The following GALC variants were observed in gnomAD, a reference collection of about 807,000 sequenced individuals.
GALC encodes galactocerebrosidase.
A neutral mutation model predicts 91.8 loss-of-function variants in GALC; 77 were observed. That is an observed-to-expected ratio of 0.84 (90% confidence interval 0.70 to 1.01). The LOEUF is 1.01. Among genes scored for constraint, GALC ranks in the 50% least tolerant of loss-of-function variants. The probability of loss-of-function intolerance (pLI) is 0.00; values close to 1 mark genes in which losing one functional copy is unlikely to be tolerated. For synonymous variants in GALC, 357 were observed against 306.7 expected (o/e 1.16, Z -1.71); for missense variants, 882 against 855.9 (o/e 1.03, Z -0.38).
At chr14:87,954,286 T>TA (rs1885427828) in intron 10 of GALC, 3 of 1,554,784 alleles carry the variant, frequency 1.9e-6, no homozygotes, top group Non-Finnish European at 2.7e-6. Flanking sequence ...CACACAATAC[T>TA]AAGAGTTGTT....
Position 87,934,428 on chromosome 14 carries a change from T to C in GALC, c.*304A>G, listed in dbSNP as rs1303288652. ...TAAGATGAAGAGAGCTACCTCAGTG[T>C]TAGCAGCAAGGCTTCGAGGTCTGTA... is the stretch of plus-strand genomic sequence containing the variant. On this transcript the variant is annotated 3_prime_UTR_variant, in exon 17 of 17. Coordinates refer to ENST00000261304, the MANE Select transcript of GALC (RefSeq NM_000153.4). The C allele has an allele frequency of 1.5e-6, 2 of 1,301,278 alleles. No homozygotes were observed. Among genetic ancestry groups the C allele is most frequent in the Non-Finnish European group, 2.0e-6 (2 of 1,018,612 alleles). The allele number at this position is 1,301,278 out of a possible 1,614,324, so 80.6% of individuals were successfully genotyped here. A position where few individuals can be genotyped will look rare whatever the true frequency, so the allele number is the denominator to read the frequency against.
intron 2 of GALC, 101 bp from the exon 3 acceptor site, chr14:87,988,308 G>T: frequency 7.6e-7 from 1 of 1,317,384 alleles, no homozygotes; most frequent in South Asian, 1.2e-5. Context: ...AAAAACAAAA[G>T]CAAAACTTCA....
intron 10 of GALC, among the ~76,000 whole-genome samples, chr14:87,961,419 AAG>A: frequency 6.6e-6 from 1 of 152,240 alleles, no homozygotes; most frequent in East Asian, 1.9e-4. Flanking sequence ...CAAAATCCTA[AAG>A]ACAGAGTTAC....
intron 10 of GALC, chr14:87,955,179 G>A: frequency 1.6e-6 from 2 of 1,276,438 alleles, no homozygotes; most frequent in South Asian, 1.2e-5. Flanking sequence ...ACACTGTAAA[G>A]CATGGAGCCG....
chr14:87,954,163 C>T, intron 10 of GALC: 1 of 1,597,350 alleles, frequency 6.3e-7, no homozygotes, highest in African/African-American at 1.3e-5. Flanking sequence ...GACCTACTGG[C>T]ACAGGTGTCC....
intron 10 of GALC, chr14:87,952,505 T>C: frequency 3.0e-6 from 2 of 661,104 alleles, no homozygotes; most frequent in South Asian, 3.2e-5. Flanking sequence ...AATATCCTGT[T>C]GAGAACCACC....
intron 7 of GALC, among the ~76,000 whole-genome samples, chr14:87,969,535 A>G (rs1037965745): frequency 4.6e-5 from 7 of 152,202 alleles, no homozygotes; most frequent in African/African-American, 1.7e-4. Flanking sequence ...TGACAATCCA[A>G]TAAGAGAGCA....
rs192700286 is a variant in GALC, at chr14:87,986,734, G to A, written c.329-132C>T. On this transcript the variant is annotated intron_variant, in intron 3 of 16. Transcript: ENST00000261304. ...TTCCAGTTCTAATCCTGAAGTTGGGGAAATCATAATCTTACACAACTAAAG... is the reference window on the plus strand; with the variant it reads ...TTCCAGTTCTAATCCTGAAGTTGGGAAAATCATAATCTTACACAACTAAAG... 2.9e-4 allele frequency: 204 copies of A among 697,054 alleles called. 1 individual carries two copies. Among genetic ancestry groups the A allele is most frequent in the Admixed American group, 1.5e-3 (75 of 49,430 alleles). The allele number at this position is 697,054 out of a possible 1,614,324, so 43.2% of individuals were successfully genotyped here.
intron 7 of GALC, among the ~76,000 whole-genome samples, chr14:87,973,726 C>T (rs1452886347): frequency 6.6e-6 from 1 of 152,166 alleles, no homozygotes; most frequent in Non-Finnish European, 1.5e-5. Context: ...AACCTCAGCA[C>T]TATTAACATT....
At chr14:87,974,446 T>G (rs1886413217) in intron 7 of GALC, among the ~76,000 whole-genome samples, 1 of 152,054 alleles carries the variant, frequency 6.6e-6, no homozygotes, top group East Asian at 1.9e-4. Context: ...GCTTCCAGTA[T>G]TTACGTACCA....
intron 10 of GALC, among the ~76,000 whole-genome samples, chr14:87,960,056 TA>T (rs1229404519): frequency 6.6e-6 from 1 of 150,990 alleles, no homozygotes; most frequent in Non-Finnish European, 1.5e-5. Context: ...TGATCACACT[TA>T]CATGTAGAAT....
At chr14:87,936,919 T>TATATATATATATATATATATATATAA (rs1884599839) in intron 16 of GALC, among the ~76,000 whole-genome samples, 1 of 142,054 alleles carries the variant, frequency 7.0e-6, no homozygotes, top group Non-Finnish European at 1.5e-5. Flanking sequence ...TATATTTATT[T>TATATATATATATATATATATATATAA]ATTTTCTCAT....
chr14:87,939,868 A>G, intron 16 of GALC, 37 bp downstream of exon 16: 2 of 1,315,694 alleles, frequency 1.5e-6, no homozygotes, highest in East Asian at 2.3e-5. Flanking sequence ...ACAACAAAAG[A>G]GCATTTTACC....
chr14:87,958,299 T>C (rs1471685915), intron 10 of GALC, among the ~76,000 whole-genome samples: 1 of 149,634 alleles, frequency 6.7e-6, no homozygotes, highest in African/African-American at 2.4e-5. Context: ...ATTCGGTTAG[T>C]TTAAATCTGA....
At chr14:87,977,041 G>A (rs919776819) in intron 6 of GALC, among the ~76,000 whole-genome samples, 3 of 141,022 alleles carry the variant, frequency 2.1e-5, no homozygotes, top group Non-Finnish European at 3.0e-5. Flanking sequence ...ATGGGGGGGG[G>A]GGGATGAAAC....
At chr14:87,971,489 G>C (rs968050841) in intron 7 of GALC, among the ~76,000 whole-genome samples, 6 of 152,062 alleles carry the variant, frequency 3.9e-5, no homozygotes, top group Non-Finnish European at 7.4e-5. Flanking sequence ...ATTTTAAGTT[G>C]TCTAGCAGCC....
chr14:87,959,052 A>G (rs1885685471), intron 10 of GALC, among the ~76,000 whole-genome samples: 1 of 152,166 alleles, frequency 6.6e-6, no homozygotes. Context: ...AGCCTACAAA[A>G]TGGGAGGAAA....
upstream of GALC, chr14:87,993,211 CCGCCA>C: frequency 6.4e-7 from 1 of 1,551,514 alleles, no homozygotes; most frequent in East Asian, 2.4e-5. Flanking sequence ...GGTCCCGTCG[CCGCCA>C]CGATAGATAC....
chr14:87,933,825 G>C lies in GALC; in HGVS notation c.*907C>G. The C allele has an allele frequency of 1.7e-6, 1 of 601,608 alleles. No individual in the cohort carries two copies. The allele number at this position is 601,608 out of a possible 1,614,324, so 37.3% of individuals were successfully genotyped here. A position where few individuals can be genotyped will look rare whatever the true frequency, so the allele number is the denominator to read the frequency against. On this transcript the variant is annotated 3_prime_UTR_variant, in exon 17 of 17. Transcript: ENST00000261304. ...GGAGATGATCCAATTCTGGGAGTTA[G>C]CAAATGTCTAAGTGCTCCCCTCCTT...
Sources: gnomAD v4.1 joint callset for allele counts (sites outside exome capture counted in the v4.1 genomes callset) on GRCh38, gnomAD v4.1.1 for gene constraint, MANE v1.5 for transcripts, NCBI Gene and HGNC (gene_info 2026-07-23, HGNC 2026-07-21) for gene names.